Variants in TCTN2 observed in about 807,000 individuals in gnomAD.
TCTN2 encodes the protein tectonic-2.
A neutral mutation model predicts 83.4 loss-of-function variants in TCTN2; 66 were observed. The ratio of observed to expected loss-of-function variants is 0.79; its 90% CI spans 0.65 to 0.97. The LOEUF (loss-of-function observed/expected upper bound fraction) is 0.97, where lower values mean the gene tolerates loss of function less well. TCTN2 is among the 50% of genes least tolerant of loss of function. TCTN2 has a pLI of 0.00. For missense variants in TCTN2, 794 were observed against 858.1 expected (o/e 0.93, Z 0.93); for synonymous variants, 301 against 326.7 (o/e 0.92, Z 0.85).
At chr12:123,689,689 T>C (rs1226429955) in intron 7 of TCTN2, among the ~76,000 whole-genome samples, 4 of 152,156 alleles carry the variant, frequency 2.6e-5, no homozygotes, top group Non-Finnish European at 5.9e-5. Context: ...TAGGGTCCGG[T>C]ATAAAAAACA....
At chr12:123,694,055 A>T (rs1312099611) in intron 9 of TCTN2, among the ~76,000 whole-genome samples, 1 of 150,622 alleles carries the variant, frequency 6.6e-6, no homozygotes, top group African/African-American at 2.4e-5. Flanking sequence ...GTGTAGTGAC[A>T]CAGTCTCCAC....
intron 5 of TCTN2, among the ~76,000 whole-genome samples, chr12:123,681,030 A>C (rs1955893300): frequency 6.6e-6 from 1 of 152,006 alleles, no homozygotes; most frequent in Non-Finnish European, 1.5e-5. Flanking sequence ...GCACTTTGGG[A>C]GGCCGATGTG....
intron 5 of TCTN2, among the ~76,000 whole-genome samples, chr12:123,679,684 G>T (rs1228017997): frequency 6.6e-6 from 1 of 150,984 alleles, no homozygotes; most frequent in African/African-American, 2.4e-5. Context: ...TTTAAGGGAT[G>T]GTCTTCCAAA....
intron 4 of TCTN2, among the ~76,000 whole-genome samples, chr12:123,678,694 A>G (rs999315414): frequency 2.0e-5 from 3 of 151,910 alleles, no homozygotes; most frequent in African/African-American, 7.2e-5. Flanking sequence ...GTGTTTTCTT[A>G]TGTTTGGGTT....
At chr12:123,694,378 C>T (rs1010597639) in intron 9 of TCTN2, among the ~76,000 whole-genome samples, 23 of 152,258 alleles carry the variant, frequency 1.5e-4, no homozygotes, top group Admixed American at 1.4e-3. Context: ...ATCTGCCCAC[C>T]TCGGCCTCCC....
In TCTN2 at chr12:123,694,865, A is replaced by T. The variant is rs1256664879; in HGVS notation, c.1123A>T (p.Thr375Ser). 10 of 1,613,202 alleles carry T rather than the reference A, an allele frequency of 6.2e-6. No individual in the cohort carries two copies. Among genetic ancestry groups the T allele is most frequent in the Non-Finnish European group, 8.5e-6 (10 of 1,179,324 alleles). ...NTETPLNNGSTPRIVNVEEHY... is the reference protein window; with the variant it reads ...NTETPLNNGSSPRIVNVEEHY... ...AGAAACTCCTTTAAATAACGGATCA[A>T]CCCCTAGAATTGTGAATGTGGAAGA... Residue 375 changes from threonine (T) to serine (S), a missense_variant, in exon 10 of 18, where the codon ACC becomes TCC. Physicochemically the swap from Thr to Ser is moderately conservative, Grantham distance 58. Coordinates refer to ENST00000303372, the MANE Select transcript of TCTN2 (RefSeq NM_024809.5).
chr12:123,708,115 C>T lies in TCTN2; in HGVS notation c.*402C>T, dbSNP rs186632954. ...CTCTGCCTCCCAAGCAATCCTCCCA[C>T]CTCAGCCTCTGGTGTAGCTGGGACC... is the stretch of plus-strand genomic sequence containing the variant. On this transcript the variant is annotated 3_prime_UTR_variant, in exon 18 of 18. Coordinates refer to ENST00000303372, the MANE Select transcript of TCTN2 (RefSeq NM_024809.5). The T allele has an allele frequency of 3.0e-4, 72 of 242,858 alleles. No individual in the cohort carries two copies. The highest frequency in any genetic ancestry group is 2.2e-3 in the Admixed American group (41 of 19,068). The allele number at this position is 242,858 out of a possible 1,614,324, so 15.0% of individuals were successfully genotyped here.
chr12:123,696,735 T>G (rs888235347), intron 12 of TCTN2: 3 of 557,286 alleles, frequency 5.4e-6, no homozygotes, highest in African/African-American at 3.8e-5. Context: ...GATTGAAATA[T>G]GAGATTGGCT....
Position 123,705,587 on chromosome 12 carries a change from C to T in TCTN2, c.1769+899C>T, listed in dbSNP as rs530033841. Among the ~76,000 whole-genome samples the T allele has an allele frequency of 2.0e-5, 3 of 152,202 alleles. No individual in the cohort carries two copies. The South Asian group carries it at 6.2e-4, about 32-fold the overall frequency. On this transcript the variant is annotated intron_variant, in intron 15 of 17. Coordinates refer to ENST00000303372, the MANE Select transcript of TCTN2 (RefSeq NM_024809.5). ...TCATGGTTCATGGTTCCAGTGTGGT[C>T]AGGGATCTTTTTGTTTTCGTATCTC...
At chr12:123,691,390 A>G (rs896811385) in intron 8 of TCTN2, among the ~76,000 whole-genome samples, 2 of 152,134 alleles carry the variant, frequency 1.3e-5, no homozygotes, top group African/African-American at 4.8e-5. Flanking sequence ...TAGAAACAGA[A>G]TCATACACTA....
In TCTN2 at chr12:123,699,631, G is replaced by A. The variant is rs527721062; in HGVS notation, c.1506-73G>A. ...ATTTAGGCACTCGGAAGTGAAACCC[G>A]GACATTCACTGGAAATGACTTTAGG... On this transcript the variant is annotated intron_variant, in intron 13 of 17. Transcript: ENST00000303372. 5.3e-5 allele frequency: 66 copies of A among 1,249,330 alleles called. 1 individual carries two copies. In the South Asian group the frequency reaches 7.1e-4, roughly 13 times the overall value. 77.4% of individuals were successfully genotyped at this position (1,249,330 alleles called of 1,614,324 possible).
chr12:123,687,880 C>G (rs1452797895), intron 6 of TCTN2, among the ~76,000 whole-genome samples, 171 bp from the exon 7 acceptor site: 1 of 151,358 alleles, frequency 6.6e-6, no homozygotes, highest in Admixed American at 6.6e-5. Context: ...ACAAGAATTG[C>G]TTGAACCTGG....
intron 14 of TCTN2, among the ~76,000 whole-genome samples, chr12:123,704,004 C>CTT (rs11348520): frequency 4.4e-4 from 48 of 110,176 alleles, no homozygotes; most frequent in East Asian, 1.2e-3. Flanking sequence ...TACAAGGAAA[C>CTT]TTTTTTTTTT....
intron 11 of TCTN2, chr12:123,695,717 C>T (rs981860203): frequency 3.1e-5 from 5 of 162,454 alleles, no homozygotes; most frequent in Admixed American, 6.1e-5. Flanking sequence ...TGTTGTTCAC[C>T]GTGTTGGCCA....
At chr12:123,696,361 G>A in intron 11 of TCTN2, 54 bp from the exon 12 acceptor site, 1 of 1,416,922 alleles carries the variant, frequency 7.1e-7, no homozygotes, top group Non-Finnish European at 1.0e-6. Context: ...TGCAGAGTTA[G>A]GGCTTGCTAT....
intron 5 of TCTN2, among the ~76,000 whole-genome samples, chr12:123,684,399 C>G (rs1368490981): frequency 1.6e-5 from 2 of 127,800 alleles, no homozygotes; most frequent in East Asian, 4.4e-4. Flanking sequence ...TATTGTCATT[C>G]TTTTTTTTTT....
At chr12:123,696,064 G>C in intron 11 of TCTN2, 2 of 312,904 alleles carry the variant, frequency 6.4e-6, no homozygotes, top group Non-Finnish European at 1.2e-5. Context: ...TACTGGTCTC[G>C]AACTCCTGAC....
At chr12:123,701,258 A>G (rs1956168683) in intron 14 of TCTN2, among the ~76,000 whole-genome samples, 1 of 152,170 alleles carries the variant, frequency 6.6e-6, no homozygotes, top group South Asian at 2.1e-4. Flanking sequence ...TTGGGAGGAA[A>G]TGGGGAGAGA....
At chr12:123,672,175 C>T in intron 3 of TCTN2, 43 bp downstream of exon 3, 1 of 1,539,822 alleles carries the variant, frequency 6.5e-7, no homozygotes, top group Non-Finnish European at 9.0e-7. Flanking sequence ...GTGAAGAGGC[C>T]CCCAGCTAGG....
Sources: gnomAD v4.1 joint callset for allele counts (sites outside exome capture counted in the v4.1 genomes callset) on GRCh38, gnomAD v4.1.1 for gene constraint, MANE v1.5 for transcripts, NCBI Gene and HGNC (gene_info 2026-07-23, HGNC 2026-07-21) for gene names.